The following PCSK1 variants were observed in gnomAD, a reference collection of about 807,000 sequenced individuals.
The protein encoded by PCSK1 is neuroendocrine convertase 1.
Under a neutral mutation model 90.6 loss-of-function variants are expected in PCSK1, and 56 were observed. The observed-to-expected ratio is 0.62, with a 90% confidence interval of 0.50 to 0.77. PCSK1 has a LOEUF of 0.77. Ranked by LOEUF, PCSK1 falls within the 30% of genes least tolerant of loss-of-function variation. The pLI is 0.00. For missense variants in PCSK1, 801 were observed against 932.6 expected, an observed-to-expected ratio of 0.86 and a Z score of 1.84; for synonymous variants, 348 against 342.4, an observed-to-expected ratio of 1.02 and a Z score of -0.18.
chr5:96,409,766 C>T (rs549103353), intron 8 of PCSK1, among the ~76,000 whole-genome samples: 1 of 152,304 alleles, frequency 6.6e-6, no homozygotes, highest in African/African-American at 2.4e-5. Flanking sequence ...TAAAACCCCT[C>T]GGTAGAATGC....
intron 2 of PCSK1, among the ~76,000 whole-genome samples, chr5:96,426,457 C>T (rs904667716): frequency 3.3e-5 from 5 of 152,160 alleles, no homozygotes; most frequent in African/African-American, 9.7e-5. Context: ...CCCTGTGCTT[C>T]GACCTCTGCT....
intron 5 of PCSK1, among the ~76,000 whole-genome samples, chr5:96,417,441 A>G (rs1760972022): frequency 6.6e-6 from 1 of 151,944 alleles, no homozygotes; most frequent in Non-Finnish European, 1.5e-5. Context: ...TTTTTCAATC[A>G]TGGGGCCCCT....
At chr5:96,419,109 TATAC>T (rs1047181015) in intron 5 of PCSK1, among the ~76,000 whole-genome samples, 49 of 152,120 alleles carry the variant, frequency 3.2e-4, no homozygotes, top group African/African-American at 1.2e-3. Flanking sequence ...TATGCACACA[TATAC>T]ATATATGGCT....
rs547688434 is a variant in PCSK1, at chr5:96,433,188, C to T, written c.-146G>A. The T allele has an allele frequency of 1.8e-5, 14 of 775,172 alleles. No individual in the cohort carries two copies. In the East Asian group the frequency reaches 3.4e-4, roughly 19 times the overall value. 48.0% of individuals were successfully genotyped at this position (775,172 alleles called of 1,614,324 possible). ...TTGCTCTGCGAAGAGCTAGGAGGCG[C>T]GAGAGGAGAGGCTGGGCGGCGGCGA... On this transcript the variant is annotated 5_prime_UTR_variant, in exon 1 of 14. Transcript: ENST00000311106.
At chr5:96,432,582 G>T (rs1198525549) in intron 1 of PCSK1, among the ~76,000 whole-genome samples, 1 of 152,198 alleles carries the variant, frequency 6.6e-6, no homozygotes, top group Non-Finnish European at 1.5e-5. Flanking sequence ...CTTCCAAACC[G>T]CGCGGGAACG....
At chr5:96,396,215 A>C (rs1760135720) in intron 12 of PCSK1, among the ~76,000 whole-genome samples, 1 of 152,204 alleles carries the variant, frequency 6.6e-6, no homozygotes, top group Non-Finnish European at 1.5e-5. Context: ...CGACTATAGA[A>C]TTTGTATTAA....
intron 12 of PCSK1, 50 bp from the exon 13 acceptor site, chr5:96,395,075 A>G: frequency 1.5e-6 from 2 of 1,371,412 alleles, no homozygotes; most frequent in Non-Finnish European, 1.0e-6. Context: ...ATAATATAAA[A>G]CAAACTCATT....
At chr5:96,406,071 C>T (rs571896391) in intron 9 of PCSK1, among the ~76,000 whole-genome samples, 31 of 152,130 alleles carry the variant, frequency 2.0e-4, no homozygotes, top group Admixed American at 3.3e-4. Context: ...ATCACTGACC[C>T]CAACAATTCA....
intron 9 of PCSK1, among the ~76,000 whole-genome samples, 182 bp downstream of exon 9, chr5:96,408,041 G>A (rs1760630954): frequency 6.6e-6 from 1 of 152,226 alleles, no homozygotes; most frequent in Non-Finnish European, 1.5e-5. Context: ...AGATGTGTGT[G>A]TATTAAATCT....
At chr5:96,418,983 A>G (rs1345971249) in intron 5 of PCSK1, among the ~76,000 whole-genome samples, 1 of 152,138 alleles carries the variant, frequency 6.6e-6, no homozygotes, top group Non-Finnish European at 1.5e-5. Flanking sequence ...CATCATCATC[A>G]TCACCACAGC....
chr5:96,411,536 C>T (rs1248337547), intron 7 of PCSK1, among the ~76,000 whole-genome samples: 1 of 152,154 alleles, frequency 6.6e-6, no homozygotes. Flanking sequence ...AGAATCTGTG[C>T]AAGAATACAG....
rs115423934 is a variant in PCSK1, at chr5:96,400,381, C to T, written c.1197-195G>A. Among the ~76,000 whole-genome samples, 120 of 152,336 alleles carry T rather than the reference C, an allele frequency of 7.9e-4. 1 individual carries two copies. The highest frequency in any genetic ancestry group is 2.8e-3 in the African/African-American group (115 of 41,570). On this transcript the variant is annotated intron_variant, in intron 9 of 13. Transcript: ENST00000311106. ...AGAATACAGAGCTGAAAACTTCTCC[C>T]TGTAACATATAAGTTATGACTTCTC...
rs576477357 is a variant in PCSK1, at chr5:96,412,792, C to T, written c.710-302G>A. 247 of 259,020 alleles carry T rather than the reference C, an allele frequency of 9.5e-4. 2 individuals are homozygous for T. The highest frequency in any genetic ancestry group is 7.9e-3 in the Middle Eastern group (6 of 762). The allele number at this position is 259,020 out of a possible 1,614,324, so 16.0% of individuals were successfully genotyped here. On this transcript the variant is annotated intron_variant, in intron 6 of 13. Coordinates refer to ENST00000311106, the MANE Select transcript of PCSK1 (RefSeq NM_000439.5). Reference sequence around the variant, plus strand: ...TTTTTTTTTGGTCCCACTCAAGGCTCTCTTCCCAGCAAAAGCTCTGGGCAT... The same window carrying T: ...TTTTTTTTTGGTCCCACTCAAGGCTTTCTTCCCAGCAAAAGCTCTGGGCAT...
chr5:96,404,082 A>G (rs112323934), intron 9 of PCSK1, among the ~76,000 whole-genome samples: 2 of 152,334 alleles, frequency 1.3e-5, no homozygotes, highest in Admixed American at 6.5e-5. Context: ...TAATAATAAT[A>G]GTGCCACAAA....
intron 9 of PCSK1, among the ~76,000 whole-genome samples, chr5:96,403,650 G>A (rs1029887109): frequency 3.3e-5 from 5 of 152,138 alleles, no homozygotes; most frequent in African/African-American, 7.2e-5. Flanking sequence ...ATTAAACACC[G>A]AATTAAGCAT....
chr5:96,404,507 C>T (rs1441381568), intron 9 of PCSK1, among the ~76,000 whole-genome samples: 2 of 152,168 alleles, frequency 1.3e-5, no homozygotes, highest in African/African-American at 2.4e-5. Flanking sequence ...TCCTTTTCTC[C>T]TCCCATTCCC....
intron 3 of PCSK1, among the ~76,000 whole-genome samples, chr5:96,425,232 TAAACAGA>T (rs1377838423): frequency 2.0e-5 from 3 of 152,204 alleles, no homozygotes; most frequent in Non-Finnish European, 4.4e-5. Context: ...GACGTAACAT[TAAACAGA>T]AGAGAGGACA....
At chr5:96,419,229 CAGATAT>C (rs977956097) in intron 5 of PCSK1, among the ~76,000 whole-genome samples, 30 of 150,378 alleles carry the variant, frequency 2.0e-4, no homozygotes, top group Non-Finnish European at 4.1e-4. Flanking sequence ...GCCAGATATA[CAGATAT>C]AGATATAGAT....
At chr5:96,417,142 C>T (rs1012343808) in intron 5 of PCSK1, among the ~76,000 whole-genome samples, 1 of 152,102 alleles carries the variant, frequency 6.6e-6, no homozygotes, top group Non-Finnish European at 1.5e-5. Context: ...ACTATACTGG[C>T]CATCTATTAA....
Sources: gnomAD v4.1 joint callset for allele counts (sites outside exome capture counted in the v4.1 genomes callset) on GRCh38, gnomAD v4.1.1 for gene constraint, MANE v1.5 for transcripts, NCBI Gene and HGNC (gene_info 2026-07-23, HGNC 2026-07-21) for gene names.